DDX46: variants seen among roughly 807,000 people sequenced by gnomAD.
The protein encoded by DDX46 is DEAD-box helicase 46.
DDX46 carries 30 observed loss-of-function variants against 134.9 expected under a neutral mutation model. That is an observed-to-expected ratio of 0.22 (90% CI 0.17 to 0.30). DDX46 has a LOEUF of 0.30. Ranked by LOEUF, DDX46 falls within the 10% of genes least tolerant of loss-of-function variation. The pLI, the probability that DDX46 is intolerant of heterozygous loss-of-function variation, is 1.00. For missense variants in DDX46, 622 were observed against 1,248.7 expected, an observed-to-expected ratio of 0.50 and a Z score of 7.56; for synonymous variants, 415 against 404.1, an observed-to-expected ratio of 1.03 and a Z score of -0.32.
chr5:134,828,594 G>GTTTTTTTTTTTGT, intron 22 of DDX46, 65 bp from the exon 23 acceptor site: 1 of 805,048 alleles, frequency 1.2e-6, no homozygotes, highest in Non-Finnish European at 1.7e-6. Flanking sequence ...TGGTTGGTTC[G>GTTTTTTTTTTTGT]TTTTTTTTTT....
intron 18 of DDX46, among the ~76,000 whole-genome samples, chr5:134,815,914 G>A (rs1755278238): frequency 6.6e-6 from 1 of 151,992 alleles, no homozygotes; most frequent in Non-Finnish European, 1.5e-5. Context: ...GATTTTATGG[G>A]TTGGGAAGAG....
In DDX46 at chr5:134,814,778, G is replaced by T. The variant is rs147395333; in HGVS notation, c.2437-1652G>T. 3.6e-3 allele frequency among the ~76,000 whole-genome samples: 554 copies of T among 152,168 alleles called. 3 individuals are homozygous for T. Among genetic ancestry groups the T allele is most frequent in the African/African-American group, 0.013 (530 of 41,526 alleles). ...CTACAGGCATGTGCCACCATGCCTGGGTAACTTTTATATTTTTTGTAGAGA... is the reference window on the plus strand; with the variant it reads ...CTACAGGCATGTGCCACCATGCCTGTGTAACTTTTATATTTTTTGTAGAGA... On this transcript the variant is annotated intron_variant, in intron 18 of 22. Transcript: ENST00000452510.
At chr5:134,820,009 CCT>C (rs1196633310) in intron 21 of DDX46, among the ~76,000 whole-genome samples, 2 of 152,108 alleles carry the variant, frequency 1.3e-5, no homozygotes, top group Non-Finnish European at 2.9e-5. Context: ...GCAACCTCCA[CCT>C]CCCGGGTTCA....
At chr5:134,773,283 T>C (rs949615821) in intron 4 of DDX46, among the ~76,000 whole-genome samples, 18 of 152,318 alleles carry the variant, frequency 1.2e-4, no homozygotes, top group African/African-American at 3.6e-4. Context: ...TAACTTGTAA[T>C]AGAAAATTGC....
intron 21 of DDX46, among the ~76,000 whole-genome samples, chr5:134,822,682 C>T (rs1001376762): frequency 6.6e-6 from 1 of 152,082 alleles, no homozygotes; most frequent in Non-Finnish European, 1.5e-5. Flanking sequence ...CTCAAGCAAG[C>T]CTCCCACCTC....
At chr5:134,807,652 T>A (rs562979071) in intron 15 of DDX46, 96 bp from the exon 16 acceptor site, 1 of 1,033,516 alleles carries the variant, frequency 9.7e-7, no homozygotes, top group African/African-American at 1.6e-5. Flanking sequence ...AGGAGTTGGA[T>A]GTGTCAATTT....
intron 8 of DDX46, among the ~76,000 whole-genome samples, chr5:134,782,620 C>G (rs906140242): frequency 6.6e-6 from 1 of 152,016 alleles, no homozygotes; most frequent in Non-Finnish European, 1.5e-5. Flanking sequence ...TACCACACCC[C>G]CCGTTCCCAC....
chr5:134,815,966 C>G (rs1035090237), intron 18 of DDX46, among the ~76,000 whole-genome samples: 5 of 152,136 alleles, frequency 3.3e-5, no homozygotes, highest in Admixed American at 6.5e-5. Flanking sequence ...ATCACTCCCC[C>G]TGAGAATTAT....
chr5:134,827,148 A>G (rs1755612379), intron 22 of DDX46, 128 bp downstream of exon 22: 7 of 843,378 alleles, frequency 8.3e-6, no homozygotes, highest in Non-Finnish European at 1.3e-5. Flanking sequence ...TAAGCATACC[A>G]GTGTAGTCAC....
chr5:134,795,201 C>CTTATTTTTTTTTTTTTT, intron 14 of DDX46, among the ~76,000 whole-genome samples, 187 bp downstream of exon 14: 1 of 138,084 alleles, frequency 7.2e-6, no homozygotes, highest in Non-Finnish European at 1.5e-5. Flanking sequence ...ATTTAAAATG[C>CTTATTTTTTTTTTTTTT]TTGTTTTTTT....
intron 4 of DDX46, 83 bp from the exon 5 acceptor site, chr5:134,773,613 G>A: frequency 7.0e-7 from 1 of 1,437,370 alleles, no homozygotes; most frequent in Admixed American, 2.7e-5. Flanking sequence ...AGAACTTACT[G>A]GAATGTCACT....
At chr5:134,790,928 G>A (rs1288786555) in intron 13 of DDX46, among the ~76,000 whole-genome samples, 1 of 152,016 alleles carries the variant, frequency 6.6e-6, no homozygotes, top group South Asian at 2.1e-4. Flanking sequence ...GGGTTCAAGC[G>A]ATTCTCCTGC....
At chr5:134,778,853 C>T (rs1055386260) in intron 6 of DDX46, among the ~76,000 whole-genome samples, 12 of 151,776 alleles carry the variant, frequency 7.9e-5, no homozygotes, top group African/African-American at 2.4e-4. Context: ...GGATTACAGG[C>T]GTGAACCACC....
intron 21 of DDX46, chr5:134,826,403 CA>C (rs1466300123): frequency 6.6e-6 from 1 of 152,184 alleles, no homozygotes; most frequent in African/African-American, 2.4e-5. Context: ...TCTTATTCTT[CA>C]ATAATTAAGC....
chr5:134,809,050 C>G (rs1755067295), intron 16 of DDX46, among the ~76,000 whole-genome samples: 1 of 152,108 alleles, frequency 6.6e-6, no homozygotes, highest in South Asian at 2.1e-4. Flanking sequence ...TAATATTACT[C>G]TATTTTATAG....
chr5:134,817,989 G>A (rs985540193), intron 20 of DDX46, among the ~76,000 whole-genome samples: 19 of 145,840 alleles, frequency 1.3e-4, no homozygotes, highest in South Asian at 8.6e-4. Flanking sequence ...TGCTCTTATC[G>A]CCTAGGCTGG....
chr5:134,810,782 G>T (rs1178628461), intron 16 of DDX46, among the ~76,000 whole-genome samples: 2 of 151,366 alleles, frequency 1.3e-5, no homozygotes, highest in African/African-American at 4.8e-5. Flanking sequence ...AAGGCGGGCG[G>T]ATCACCTGAG....
intron 2 of DDX46, among the ~76,000 whole-genome samples, chr5:134,765,043 A>G (rs1353734461): frequency 3.3e-5 from 5 of 151,596 alleles, no homozygotes; most frequent in African/African-American, 1.2e-4. Flanking sequence ...TTTAAACTAA[A>G]GAGCGCCTTA....
intron 13 of DDX46, among the ~76,000 whole-genome samples, chr5:134,791,019 C>T (rs889706846): frequency 7.2e-5 from 11 of 152,074 alleles, no homozygotes; most frequent in Non-Finnish European, 1.2e-4. Flanking sequence ...AGTTTCACCA[C>T]GTTGGCCAGG....
Sources: allele counts gnomAD v4.1 joint callset (sites outside exome capture counted in the v4.1 genomes callset), GRCh38; gene constraint gnomAD v4.1.1; transcripts MANE v1.5; gene names NCBI Gene and HGNC (gene_info 2026-07-23, HGNC 2026-07-21).